CACNA1C: variants seen among roughly 807,000 people sequenced by gnomAD.
CACNA1C encodes calcium voltage-gated channel subunit alpha1 C, also known as voltage-dependent L-type calcium channel subunit alpha-1C.
Under a neutral mutation model 229.0 loss-of-function variants are expected in CACNA1C, and 30 were observed. The observed-to-expected ratio is 0.13, with a 90% CI of 0.10 to 0.18. CACNA1C has a LOEUF of 0.18. Among genes scored for constraint, CACNA1C ranks in the 10% least tolerant of loss-of-function variants. The probability of loss-of-function intolerance (pLI) is 1.00; values close to 1 mark genes in which losing one functional copy is unlikely to be tolerated. For synonymous variants in CACNA1C, 1,114 were observed against 1,132.5 expected, an observed-to-expected ratio of 0.98 and a Z score of 0.33; for missense variants, 1,658 against 2,845.0, an observed-to-expected ratio of 0.58 and a Z score of 9.49.
intron 1 of CACNA1C, among the ~76,000 whole-genome samples, chr12:1,985,909 C>A (rs532738269): frequency 1.3e-5 from 2 of 152,222 alleles, no homozygotes; most frequent in African/African-American, 4.8e-5. Context: ...CTCCTGGGTT[C>A]ACGCCATTCT....
At chr12:2,518,288 G>A (rs949002247) in intron 9 of CACNA1C, among the ~76,000 whole-genome samples, 3 of 152,104 alleles carry the variant, frequency 2.0e-5, no homozygotes, top group Non-Finnish European at 4.4e-5. Flanking sequence ...ATGTGTCAAG[G>A]GCATGTACAT....
chr12:2,301,147 C>T (rs1018255927), intron 3 of CACNA1C, among the ~76,000 whole-genome samples: 1 of 152,212 alleles, frequency 6.6e-6, no homozygotes, highest in Non-Finnish European at 1.5e-5. Flanking sequence ...CCCAAGAGCA[C>T]TATCTGCAGG....
chr12:2,590,325 C>CAT (rs2064658093), intron 18 of CACNA1C, among the ~76,000 whole-genome samples: 1 of 152,196 alleles, frequency 6.6e-6, no homozygotes, highest in Non-Finnish European at 1.5e-5. Context: ...GCAACTCCAG[C>CAT]GTGCAGCAGC....
intron 3 of CACNA1C, among the ~76,000 whole-genome samples, chr12:2,170,566 G>A (rs1400575827): frequency 6.6e-6 from 1 of 152,270 alleles, no homozygotes; most frequent in Admixed American, 6.5e-5. Context: ...CACTGCTATA[G>A]TGAGTCACCC....
intron 1 of CACNA1C, among the ~76,000 whole-genome samples, chr12:2,088,975 C>T (rs536339821): frequency 3.3e-5 from 5 of 152,274 alleles, no homozygotes; most frequent in South Asian, 2.1e-4. Flanking sequence ...GAGGGCTGTG[C>T]GCGCAGACCT....
At chr12:2,135,409 T>A (rs1421074796) in intron 3 of CACNA1C, among the ~76,000 whole-genome samples, 1 of 143,784 alleles carries the variant, frequency 7.0e-6, no homozygotes, top group Non-Finnish European at 1.5e-5. Flanking sequence ...CCAGTTTTTC[T>A]GTTCTGTTTT....
intron 29 of CACNA1C, among the ~76,000 whole-genome samples, chr12:2,622,673 G>A (rs2083938320): frequency 6.6e-6 from 1 of 152,214 alleles, no homozygotes; most frequent in Non-Finnish European, 1.5e-5. Context: ...AAAAAACACA[G>A]GATAATGGGG....
Position 2,635,392 on chromosome 12 carries a change from T to C in CACNA1C, c.3912+1012T>C, listed in dbSNP as rs138471174. On this transcript the variant is annotated intron_variant, in intron 30 of 46. Coordinates refer to ENST00000399655, the MANE Select transcript of CACNA1C (RefSeq NM_000719.7). The stretch of plus-strand genomic sequence containing the variant: ...AACATGTGTTGTTTAATTTTTTCGT[T>C]ATTATTTTTCCTTAATTAAGAGACT... Among the ~76,000 whole-genome samples, 1,182 of 152,356 alleles carry C rather than the reference T, an allele frequency of 7.8e-3. 23 individuals are homozygous for C. The highest frequency in any genetic ancestry group is 0.027 in the African/African-American group (1,126 of 41,574).
chr12:2,386,882 C>T (rs1247665263), intron 3 of CACNA1C, among the ~76,000 whole-genome samples: 2 of 152,184 alleles, frequency 1.3e-5, no homozygotes, highest in Non-Finnish European at 2.9e-5. Context: ...AGCCTTCTTG[C>T]CACCCCAGTC....
At chr12:2,624,672 A>G (rs947195943) in intron 29 of CACNA1C, among the ~76,000 whole-genome samples, 4 of 152,144 alleles carry the variant, frequency 2.6e-5, no homozygotes, top group African/African-American at 7.2e-5. Context: ...TGTATACTCC[A>G]TGTCCCTACA....
intron 3 of CACNA1C, among the ~76,000 whole-genome samples, chr12:2,179,336 C>T (rs2096762711): frequency 6.6e-6 from 1 of 152,146 alleles, no homozygotes; most frequent in Non-Finnish European, 1.5e-5. Flanking sequence ...GAAGTGTTCC[C>T]TGGACCTGCT....
chr12:2,104,922 T>C (rs2077632920), intron 1 of CACNA1C, among the ~76,000 whole-genome samples: 3 of 152,220 alleles, frequency 2.0e-5, no homozygotes, highest in Admixed American at 2.0e-4. Context: ...TTGAAGGCCG[T>C]GGCTTAGCTG....
At chr12:2,394,887 G>A (rs549078351) in intron 3 of CACNA1C, among the ~76,000 whole-genome samples, 1 of 152,344 alleles carries the variant, frequency 6.6e-6, no homozygotes, top group Non-Finnish European at 1.5e-5. Context: ...TATCTGCAAA[G>A]CCAGTGTAAG....
At chr12:2,194,963 G>T (rs1566299397) in intron 3 of CACNA1C, among the ~76,000 whole-genome samples, 1 of 152,232 alleles carries the variant, frequency 6.6e-6, no homozygotes, top group East Asian at 1.9e-4. Flanking sequence ...TGACTAGGAT[G>T]TCTTTTTGGC....
At position 2,695,740 on chromosome 12, in the gene CACNA1C, A is replaced by G. The variant is rs373901974; in HGVS notation, c.*4541A>G. 1.3e-5 allele frequency: 2 copies of G among 152,238 alleles called. No homozygotes were observed. Among genetic ancestry groups the G allele is most frequent in the South Asian group, 2.1e-4 (1 of 4,822 alleles). The allele number at this position is 152,238 out of a possible 1,614,324, so 9.4% of individuals were successfully genotyped here. On this transcript the variant is annotated 3_prime_UTR_variant, in exon 47 of 47. Transcript: ENST00000399655. ...AGTCCCATGGGCAGATGCTTACACGACCTCTTTGTGAAGCCTCTTCTGGGT... is the reference window on the plus strand; with the variant it reads ...AGTCCCATGGGCAGATGCTTACACGGCCTCTTTGTGAAGCCTCTTCTGGGT...
chr12:2,364,245 A>G (rs2097660482), intron 3 of CACNA1C, among the ~76,000 whole-genome samples: 1 of 152,228 alleles, frequency 6.6e-6, no homozygotes, highest in Non-Finnish European at 1.5e-5. Flanking sequence ...TATAAGGACA[A>G]AGGAAATAAA....
chr12:2,575,511 GC>G lies in CACNA1C; in HGVS notation c.1896-6077del, dbSNP rs1192458876. Among the ~76,000 whole-genome samples the G allele has an allele frequency of 6.6e-6, 1 of 152,110 alleles. No individual in the cohort carries two copies. Among genetic ancestry groups the G allele is most frequent in the Non-Finnish European group, 1.5e-5 (1 of 68,014 alleles). On this transcript the variant is annotated intron_variant, in intron 13 of 46. Transcript: ENST00000399655. The surrounding 1 kb of genome is among the most constrained non-coding windows in gnomAD (Gnocchi z 4.0). ...TGGATTCTACCTGCTTCCCCAGGTGGCCTCAGCCAATTCTCACTCCTCTTCA... is the reference window on the plus strand; with the variant it reads ...TGGATTCTACCTGCTTCCCCAGGTGGCTCAGCCAATTCTCACTCCTCTTCA...
At chr12:1,993,656 GTA>G (rs71057814) in intron 1 of CACNA1C, among the ~76,000 whole-genome samples, 18,585 of 151,370 alleles carry the variant, frequency 0.12, 1,370 homozygotes, top group Admixed American at 0.18. Flanking sequence ...GTGTGTGTGT[GTA>G]TACAGATGTT....
At chr12:2,106,666 A>G (rs2078853157) in intron 1 of CACNA1C, among the ~76,000 whole-genome samples, 1 of 43,276 alleles carries the variant, frequency 2.3e-5, no homozygotes, top group Non-Finnish European at 5.6e-5. Context: ...TTTCCACCTC[A>G]GCTGGGGCGT....
Sources: gnomAD v4.1 joint callset for allele counts (sites outside exome capture counted in the v4.1 genomes callset) on GRCh38, gnomAD v4.1.1 for gene constraint, Gnocchi (gnomAD v3.1) non-coding constraint, MANE v1.5 for transcripts, NCBI Gene and HGNC (gene_info 2026-07-23, HGNC 2026-07-21) for gene names.